The following BATF3 variants were observed in gnomAD, a reference collection of about 807,000 sequenced individuals.
BATF3 encodes basic leucine zipper transcriptional factor ATF-like 3.
A neutral mutation model predicts 16.1 loss-of-function variants in BATF3; 8 were observed. The ratio of observed to expected loss-of-function variants is 0.50; its 90% CI spans 0.29 to 0.90. The LOEUF (loss-of-function observed/expected upper bound fraction) is 0.90. BATF3 is among the 40% of genes least tolerant of loss of function. BATF3 has a pLI of 0.08. For missense variants in BATF3, 139 were observed against 167.0 expected (o/e 0.83, Z 0.92); for synonymous variants, 74 against 72.7 (o/e 1.02, Z -0.09).
At chr1:212,688,082 A>G (rs1170167948) in intron 2 of BATF3, among the ~76,000 whole-genome samples, 1 of 151,734 alleles carries the variant, frequency 6.6e-6, no homozygotes, top group East Asian at 1.9e-4. Context: ...AAAAAGAAAA[A>G]GCTCTTCTTT....
At position 212,686,588 on chromosome 1, in the gene BATF3, T is replaced by C; in HGVS notation, c.*203A>G. On this transcript the variant is annotated 3_prime_UTR_variant, in exon 3 of 3. Transcript: ENST00000243440. ...TCCTGAGGGTGGCCTCCATGCTGGA[T>C]CTGCACAAGGGCTCTGTGAGTTTGG... 1 of 792,414 alleles carries C rather than the reference T, an allele frequency of 1.3e-6. No homozygotes were observed. The highest frequency in any genetic ancestry group is 1.9e-6 in the Non-Finnish European group (1 of 527,382). The allele number at this position is 792,414 out of a possible 1,614,324, so 49.1% of individuals were successfully genotyped here. A position where few individuals can be genotyped will look rare whatever the true frequency, so the allele number is the denominator to read the frequency against.
intron 2 of BATF3, among the ~76,000 whole-genome samples, chr1:212,687,961 GAAAA>G (rs778086042): frequency 2.6e-5 from 1 of 37,858 alleles, no homozygotes; most frequent in African/African-American, 9.2e-5. Flanking sequence ...AAGAGAGAAA[GAAAA>G]AAAAAGAAAG....
intron 2 of BATF3, among the ~76,000 whole-genome samples, chr1:212,692,412 C>A (rs114195608): frequency 0.012 from 1,768 of 152,082 alleles, 18 homozygotes; most frequent in South Asian, 0.021. Context: ...CCCAAAAAAA[C>A]CAGAGGCTCA....
intron 2 of BATF3, among the ~76,000 whole-genome samples, 200 bp downstream of exon 2, chr1:212,696,761 C>G (rs2456815): frequency 0.98 from 149,393 of 152,282 alleles, 73,344 homozygotes; most frequent in East Asian, 1. Flanking sequence ...ATAAACTTGA[C>G]CATGAGAAGC....
In BATF3 at chr1:212,689,953, CACAA is replaced by C. The variant is rs370436332; in HGVS notation, c.196-2978_196-2975del. On this transcript the variant is annotated intron_variant, in intron 2 of 2. Coordinates refer to ENST00000243440, the MANE Select transcript of BATF3 (RefSeq NM_018664.3). This position sits in a 1 kb window ranked among gnomAD's most constrained non-coding sequence, Gnocchi z 4.6. ...CACATACACAATCAACACACAGTCA[CACAA>C]ACACTCTCACAGTCACACACATACA... Among the ~76,000 whole-genome samples the C allele has an allele frequency of 0.024, 3,629 of 151,828 alleles. 163 individuals carry two copies. The highest frequency in any genetic ancestry group is 0.083 in the African/African-American group (3,425 of 41,354).
chr1:212,694,595 G>A (rs1657082463), intron 2 of BATF3, among the ~76,000 whole-genome samples: 1 of 152,218 alleles, frequency 6.6e-6, no homozygotes, highest in African/African-American at 2.4e-5. Context: ...GGGACTAGGA[G>A]CTTCTTCAGG....
Position 212,689,310 on chromosome 1 carries a change from C to G in BATF3, c.196-2331G>C, listed in dbSNP as rs1011569450. Among the ~76,000 whole-genome samples, 11 of 152,166 alleles carry G rather than the reference C, an allele frequency of 7.2e-5. No homozygotes were observed. The highest frequency in any genetic ancestry group is 2.7e-4 in the African/African-American group (11 of 41,436). Reference sequence around the variant, plus strand: ...CCATCCTTTCCTTTCAGAAGGGACTCTCAGCATCTTCCTCCCTTTAAGAAC... The same window carrying G: ...CCATCCTTTCCTTTCAGAAGGGACTGTCAGCATCTTCCTCCCTTTAAGAAC... On this transcript the variant is annotated intron_variant, in intron 2 of 2. Coordinates refer to ENST00000243440, the MANE Select transcript of BATF3 (RefSeq NM_018664.3). The surrounding 1 kb of genome is among the most constrained non-coding windows in gnomAD (Gnocchi z 4.6).
chr1:212,687,008 T>C, intron 2 of BATF3, 29 bp from the exon 3 acceptor site: 1 of 1,424,474 alleles, frequency 7.0e-7, no homozygotes, highest in Admixed American at 1.7e-5. Context: ...GCAAAATCAT[T>C]TCTGGTGCAG....
chr1:212,697,719 C>T (rs967451135), intron 1 of BATF3: 2 of 152,208 alleles, frequency 1.3e-5, no homozygotes, highest in African/African-American at 4.8e-5. Context: ...GTCTTGAAAG[C>T]TGTTAGCTAT....
chr1:212,693,241 G>C (rs1286499301), intron 2 of BATF3, among the ~76,000 whole-genome samples: 2 of 152,228 alleles, frequency 1.3e-5, no homozygotes, highest in Non-Finnish European at 1.5e-5. Context: ...CTCACGTGGT[G>C]AGTAATGATT....
At chr1:212,696,423 G>GGTGTGTGT (rs139095900) in intron 2 of BATF3, among the ~76,000 whole-genome samples, 7,169 of 148,520 alleles carry the variant, frequency 0.048, 278 homozygotes, top group East Asian at 0.14. Flanking sequence ...GTTTCTGTAG[G>GGTGTGTGT]GTGTGTGTGT....
At chr1:212,698,260 T>C (rs986691384) in intron 1 of BATF3, 4 of 152,248 alleles carry the variant, frequency 2.6e-5, no homozygotes, top group South Asian at 2.1e-4. Flanking sequence ...CTCTTTAGCT[T>C]TAGAATCACA....
At chr1:212,695,445 G>T (rs931380496) in intron 2 of BATF3, among the ~76,000 whole-genome samples, 2 of 130,268 alleles carry the variant, frequency 1.5e-5, no homozygotes, top group Non-Finnish European at 3.1e-5. Flanking sequence ...AGTGAGCTGA[G>T]ATCATGCCAC....
At position 212,691,703 on chromosome 1, in the gene BATF3, G is replaced by C. The variant is rs139330952; in HGVS notation, c.196-4724C>G. Reference sequence around the variant, plus strand: ...TCATTTGTCAGTTTGTGACATTTGGGGCTCCTGAGGATGGCACTGCTGCTT... The same window carrying C: ...TCATTTGTCAGTTTGTGACATTTGGCGCTCCTGAGGATGGCACTGCTGCTT... On this transcript the variant is annotated intron_variant, in intron 2 of 2. Coordinates refer to ENST00000243440, the MANE Select transcript of BATF3 (RefSeq NM_018664.3). 1.1e-3 allele frequency among the ~76,000 whole-genome samples: 170 copies of C among 152,306 alleles called. 4 individuals carry two copies. In the East Asian group the frequency reaches 0.032, roughly 29 times the overall value.
chr1:212,692,823 T>C (rs933720238), intron 2 of BATF3, among the ~76,000 whole-genome samples: 1 of 152,140 alleles, frequency 6.6e-6, no homozygotes, highest in Non-Finnish European at 1.5e-5. Context: ...TGAGTTACTT[T>C]GAGATATTCA....
intron 2 of BATF3, among the ~76,000 whole-genome samples, chr1:212,690,583 A>G (rs1656978142): frequency 6.6e-6 from 1 of 152,242 alleles, no homozygotes; most frequent in Non-Finnish European, 1.5e-5. Flanking sequence ...AGAACACTGA[A>G]TAGCAGCAAA....
In BATF3 at chr1:212,699,644, C is replaced by A. The variant is rs1423630362; in HGVS notation, c.90+29G>T. On this transcript the variant is annotated intron_variant, in intron 1 of 2. Coordinates refer to ENST00000243440, the MANE Select transcript of BATF3 (RefSeq NM_018664.3). This position sits in a 1 kb window ranked among gnomAD's most constrained non-coding sequence, Gnocchi z 4.4. Reference sequence around the variant, plus strand: ...GCGGCGCGCCGGTCCCCGCACCCCACGGCCCTCCCTGAGCCTCTCGCCCTC... The same window carrying A: ...GCGGCGCGCCGGTCCCCGCACCCCAAGGCCCTCCCTGAGCCTCTCGCCCTC... 1.6e-6 allele frequency: 2 copies of A among 1,289,642 alleles called. No individual in the cohort carries two copies. The highest frequency in any genetic ancestry group is 1.5e-5 in the African/African-American group (1 of 64,522). 79.9% of individuals were successfully genotyped at this position (1,289,642 alleles called of 1,614,324 possible). A position where few individuals can be genotyped will look rare whatever the true frequency, so the allele number is the denominator to read the frequency against.
At chr1:212,693,792 T>C (rs1297213457) in intron 2 of BATF3, among the ~76,000 whole-genome samples, 1 of 152,196 alleles carries the variant, frequency 6.6e-6, no homozygotes, top group Non-Finnish European at 1.5e-5. Flanking sequence ...AGCCAACGCT[T>C]CATACAGGTA....
At chr1:212,693,445 G>C (rs1434619232) in intron 2 of BATF3, among the ~76,000 whole-genome samples, 1 of 152,216 alleles carries the variant, frequency 6.6e-6, no homozygotes, top group Non-Finnish European at 1.5e-5. Context: ...TTGACCCTGT[G>C]ATTCTCAATA....
Sources: allele counts gnomAD v4.1 joint callset (sites outside exome capture counted in the v4.1 genomes callset), GRCh38; gene constraint gnomAD v4.1.1; non-coding constraint Gnocchi (gnomAD v3.1); transcripts MANE v1.5; gene names NCBI Gene and HGNC (gene_info 2026-07-23, HGNC 2026-07-21).